NUGGC: variants seen among roughly 807,000 people sequenced by gnomAD.
NUGGC encodes the protein nuclear GTPase SLIP-GC.
NUGGC carries 58 observed loss-of-function variants against 92.6 expected under a neutral mutation model. The observed-to-expected ratio is 0.63, with a 90% CI of 0.51 to 0.78. NUGGC has a LOEUF of 0.78. Ranked by LOEUF, NUGGC falls within the 30% of genes least tolerant of loss-of-function variation. NUGGC has a pLI of 0.00. For synonymous variants in NUGGC, 376 were observed against 366.4 expected (o/e 1.03, Z -0.30); for missense variants, 925 against 964.6 (o/e 0.96, Z 0.54).
intron 1 of NUGGC, among the ~76,000 whole-genome samples, chr8:28,081,281 T>C (rs570000795): frequency 2.0e-5 from 3 of 152,142 alleles, no homozygotes; most frequent in African/African-American, 7.2e-5. Context: ...ATCGCACCAC[T>C]GCACTCCAGC....
chr8:28,031,027 A>G (rs1328160062), intron 15 of NUGGC, among the ~76,000 whole-genome samples: 1 of 152,216 alleles, frequency 6.6e-6, no homozygotes, highest in East Asian at 1.9e-4. Context: ...GTTGCTTCAC[A>G]GTGGAACAAA....
rs1398268912 is a variant in NUGGC, at chr8:28,023,211, C to T, written c.*106G>A. ...TGTGATGGTGCCACTGCACTCCAGCCTGGGCAACAGAGGTAGATAGATCTT... is the reference window on the plus strand; with the variant it reads ...TGTGATGGTGCCACTGCACTCCAGCTTGGGCAACAGAGGTAGATAGATCTT... On this transcript the variant is annotated 3_prime_UTR_variant, in exon 19 of 19. Coordinates refer to ENST00000413272, the MANE Select transcript of NUGGC (RefSeq NM_001010906.2). 6.9e-6 allele frequency: 9 copies of T among 1,298,914 alleles called. No homozygotes were observed. Among genetic ancestry groups the T allele is most frequent in the Non-Finnish European group, 9.4e-6 (9 of 957,792 alleles). The allele number at this position is 1,298,914 out of a possible 1,614,324, so 80.5% of individuals were successfully genotyped here. A position where few individuals can be genotyped will look rare whatever the true frequency, so the allele number is the denominator to read the frequency against.
intron 1 of NUGGC, among the ~76,000 whole-genome samples, chr8:28,078,823 C>T (rs1431582230): frequency 6.6e-6 from 1 of 152,100 alleles, no homozygotes; most frequent in African/African-American, 2.4e-5. Flanking sequence ...TCTATTTCCC[C>T]CCAAAGGGAA....
chr8:28,058,387 A>C, intron 8 of NUGGC, 111 bp from the exon 9 acceptor site: 1 of 212,256 alleles, frequency 4.7e-6, no homozygotes, highest in Non-Finnish European at 1.0e-5. Context: ...GTGCCTTTTC[A>C]TAAGTTCTTT....
intron 17 of NUGGC, 85 bp from the exon 18 acceptor site, chr8:28,027,137 C>T (rs1290329310): frequency 1.6e-5 from 18 of 1,107,036 alleles, no homozygotes; most frequent in Non-Finnish European, 2.3e-5. Context: ...CCCAGTCCCC[C>T]AGCCACGGAA....
chr8:28,077,850 A>G (rs1810761557), intron 1 of NUGGC, among the ~76,000 whole-genome samples: 2 of 152,238 alleles, frequency 1.3e-5, no homozygotes, highest in South Asian at 2.1e-4. Flanking sequence ...TCGTGGTCAT[A>G]CAGACACTAA....
chr8:28,029,543 G>C (rs761005221), intron 16 of NUGGC, 141 bp from the exon 17 acceptor site: 15 of 850,668 alleles, frequency 1.8e-5, no homozygotes, highest in Non-Finnish European at 1.8e-5. Context: ...GAGGTCAGGA[G>C]TTCAAGACCA....
intron 7 of NUGGC, among the ~76,000 whole-genome samples, chr8:28,062,797 A>G (rs1274176125): frequency 1.3e-5 from 2 of 152,192 alleles, no homozygotes; most frequent in Non-Finnish European, 2.9e-5. Flanking sequence ...AGTGTTTACT[A>G]ACATGAGAAA....
At chr8:28,037,053 AT>A (rs1394743870) in intron 13 of NUGGC, among the ~76,000 whole-genome samples, 3 of 152,148 alleles carry the variant, frequency 2.0e-5, no homozygotes, top group African/African-American at 7.2e-5. Flanking sequence ...CAGCTCGCTC[AT>A]GCCCAGAGAA....
chr8:28,057,886 T>A (rs996333907), intron 9 of NUGGC, among the ~76,000 whole-genome samples: 2 of 152,112 alleles, frequency 1.3e-5, no homozygotes, highest in Non-Finnish European at 2.9e-5. Context: ...TCATAAAAAG[T>A]ATTATTTAAA....
At chr8:28,049,638 C>A (rs558991257) in intron 10 of NUGGC, among the ~76,000 whole-genome samples, 15 of 152,266 alleles carry the variant, frequency 9.9e-5, no homozygotes, top group Admixed American at 4.6e-4. Context: ...AGGTAGGATC[C>A]AAGATGTTAG....
intron 17 of NUGGC, among the ~76,000 whole-genome samples, chr8:28,028,096 C>T (rs941892185): frequency 1.2e-4 from 18 of 151,708 alleles, no homozygotes; most frequent in African/African-American, 4.4e-4. Context: ...TGGGAACACT[C>T]TATGGTCTTG....
rs1185586528 is a variant in NUGGC at position 28,068,144 on chromosome 8, A to G, written c.480+72T>C. 55 of 852,524 alleles carry G rather than the reference A, an allele frequency of 6.5e-5. 1 individual carries two copies. The highest frequency in any genetic ancestry group is 3.2e-4 in the Admixed American group (15 of 46,560). The allele number at this position is 852,524 out of a possible 1,614,324, so 52.8% of individuals were successfully genotyped here. A position where few individuals can be genotyped will look rare whatever the true frequency, so the allele number is the denominator to read the frequency against. ...GAAGGAAGGAAGAAAGAAAGGAAGG[A>G]GGGAACGAAAAAGGAAGAAAGGAAG... On this transcript the variant is annotated intron_variant, in intron 5 of 18. Coordinates refer to ENST00000413272, the MANE Select transcript of NUGGC (RefSeq NM_001010906.2).
chr8:28,054,285 C>T (rs558774022), intron 10 of NUGGC, among the ~76,000 whole-genome samples: 3 of 152,186 alleles, frequency 2.0e-5, no homozygotes, highest in African/African-American at 7.2e-5. Flanking sequence ...AGTTCGAGAC[C>T]AGCCTGGCTA....
chr8:28,075,805 C>G (rs1352595325), intron 1 of NUGGC, among the ~76,000 whole-genome samples: 1 of 152,174 alleles, frequency 6.6e-6, no homozygotes, highest in African/African-American at 2.4e-5. Context: ...GTGAGAACCC[C>G]TATTAAGTGC....
chr8:28,050,680 G>A (rs1037998837), intron 10 of NUGGC, among the ~76,000 whole-genome samples: 2 of 151,904 alleles, frequency 1.3e-5, no homozygotes, highest in East Asian at 1.9e-4. Context: ...TTGTGGTGGC[G>A]CATGCCTGTA....
chr8:28,080,889 G>A (rs1299056869), intron 1 of NUGGC, among the ~76,000 whole-genome samples: 3 of 152,106 alleles, frequency 2.0e-5, no homozygotes, highest in Non-Finnish European at 2.9e-5. Context: ...AATTATTAGG[G>A]ATTTGGAGTC....
chr8:28,038,589 C>T (rs140465622), intron 13 of NUGGC, among the ~76,000 whole-genome samples: 69 of 152,282 alleles, frequency 4.5e-4, no homozygotes, highest in African/African-American at 1.5e-3. Context: ...ATGTGGGATA[C>T]GAAGCCTCTT....
chr8:28,028,677 C>A (rs921807296), intron 17 of NUGGC, among the ~76,000 whole-genome samples: 21 of 152,160 alleles, frequency 1.4e-4, no homozygotes, highest in Admixed American at 1.0e-3. Context: ...TCCAGGTAGG[C>A]TTGGCAGAAG....
Sources: allele counts gnomAD v4.1 joint callset (sites outside exome capture counted in the v4.1 genomes callset), GRCh38; gene constraint gnomAD v4.1.1; transcripts MANE v1.5; gene names NCBI Gene and HGNC (gene_info 2026-07-23, HGNC 2026-07-21).